Variants in ANKRD26 observed in about 807,000 individuals in gnomAD.
The protein encoded by ANKRD26 is ankyrin repeat domain 26.
ANKRD26 carries 141 observed loss-of-function variants against 208.7 expected under a neutral mutation model. The ratio of observed to expected loss-of-function variants is 0.68; its 90% CI spans 0.59 to 0.78. The LOEUF (loss-of-function observed/expected upper bound fraction) is 0.78, where lower values mean the gene tolerates loss of function less well. Among genes scored for constraint, ANKRD26 ranks in the 30% least tolerant of loss-of-function variants. The pLI is 0.00. For missense variants in ANKRD26, 1,889 were observed against 1,938.7 expected (o/e 0.97, Z 0.48); for synonymous variants, 636 against 660.4 (o/e 0.96, Z 0.57).
At chr10:27,060,226 T>C in intron 15 of ANKRD26, 119 bp downstream of exon 15, 1 of 1,045,830 alleles carries the variant, frequency 9.6e-7, no homozygotes, top group Non-Finnish European at 1.4e-6. Flanking sequence ...TTTTTTTAAA[T>C]CCTTCCAACA....
intron 4 of ANKRD26, chr10:26,995,226 G>A (rs1184983140): frequency 2.1e-6 from 1 of 468,906 alleles, no homozygotes; most frequent in African/African-American, 2.0e-5. Context: ...CTTCACGGAG[G>A]TTAACCTATT....
the ANKRD26 span, among the ~76,000 whole-genome samples, chr10:26,951,837 T>C: frequency 2.0e-5 from 3 of 152,258 alleles, no homozygotes; most frequent in Admixed American, 6.5e-5. Flanking sequence ...TTGGGCCTTG[T>C]TGACCCTGGA....
intron 4 of ANKRD26, among the ~76,000 whole-genome samples, chr10:26,997,981 C>T (rs1198039909): frequency 1.3e-5 from 2 of 152,272 alleles, no homozygotes; most frequent in African/African-American, 4.8e-5. Context: ...GACTTCATAG[C>T]CCCCACGGCC....
Position 27,029,373 on chromosome 10 carries a change from A to G in ANKRD26, c.3808-17T>C, listed in dbSNP as rs752761362. The G allele has an allele frequency of 1.9e-6, 3 of 1,606,628 alleles. No individual in the cohort carries two copies. Among genetic ancestry groups the G allele is most frequent in the South Asian group, 2.2e-5 (2 of 90,026 alleles). On this transcript the variant is annotated splice_polypyrimidine_tract_variant and intron_variant, in intron 25 of 33. Transcript: ENST00000376087. Reference sequence around the variant, plus strand: ...TTCTTGCAACTAAAACAAAGAATAAAAAAAACCCACTTTACTAATAATCTA... The same window carrying G: ...TTCTTGCAACTAAAACAAAGAATAAGAAAAACCCACTTTACTAATAATCTA...
intron 9 of ANKRD26, among the ~76,000 whole-genome samples, chr10:27,070,812 C>G (rs376947436): frequency 2.0e-5 from 3 of 151,984 alleles, no homozygotes; most frequent in Non-Finnish European, 4.4e-5. Context: ...ATTATAGGCA[C>G]GTGCCACCAC....
chr10:26,970,303 G>A (rs1459834944), downstream of ANKRD26, among the ~76,000 whole-genome samples: 1 of 152,096 alleles, frequency 6.6e-6, no homozygotes, highest in Admixed American at 6.5e-5. Flanking sequence ...TCATGGGGGT[G>A]GAATTCTCAT....
chr10:27,054,451 G>A (rs2054772781), intron 15 of ANKRD26, among the ~76,000 whole-genome samples: 1 of 152,096 alleles, frequency 6.6e-6, no homozygotes, highest in African/African-American at 2.4e-5. Flanking sequence ...TGGGCGTGGT[G>A]GTGTGTGCCT....
At chr10:27,069,406 G>A (rs780146099) in intron 9 of ANKRD26, among the ~76,000 whole-genome samples, 4 of 152,094 alleles carry the variant, frequency 2.6e-5, no homozygotes, top group Non-Finnish European at 4.4e-5. Context: ...TCAGGAAAGC[G>A]TCAGGAACAA....
the ANKRD26 span, among the ~76,000 whole-genome samples, chr10:26,960,437 A>G: frequency 2.0e-5 from 3 of 152,134 alleles, no homozygotes; most frequent in East Asian, 5.8e-4. Flanking sequence ...GGCTCATAAG[A>G]AGCATCTTGG....
chr10:27,048,255 A>G (rs191867178), intron 17 of ANKRD26, among the ~76,000 whole-genome samples: 8 of 152,336 alleles, frequency 5.3e-5, no homozygotes, highest in Admixed American at 1.3e-4. Flanking sequence ...CATTTGGGAT[A>G]CTATAATAAA....
chr10:27,074,979 A>G (rs769190448), intron 9 of ANKRD26, among the ~76,000 whole-genome samples: 8 of 152,134 alleles, frequency 5.3e-5, no homozygotes, highest in Non-Finnish European at 8.8e-5. Flanking sequence ...TTCTGTATCA[A>G]GCAAAACTAA....
chr10:27,015,419 T>C (rs945920469), intron 30 of ANKRD26, among the ~76,000 whole-genome samples: 37 of 152,278 alleles, frequency 2.4e-4, no homozygotes, highest in Admixed American at 5.9e-4. Context: ...ACTAGCTCTA[T>C]GGCTTGGGCC....
intron 16 of ANKRD26, chr10:27,051,503 T>C: frequency 9.7e-7 from 1 of 1,032,726 alleles, no homozygotes; most frequent in Non-Finnish European, 1.2e-6. Flanking sequence ...CACCTGTAAC[T>C]ACTTCTGGGT....
intron 6 of ANKRD26, chr10:27,080,560 A>G (rs920898371): frequency 1.1e-6 from 1 of 919,602 alleles, no homozygotes; most frequent in African/African-American, 1.8e-5. Flanking sequence ...CCTAAAGAGA[A>G]AGAATGCTGG....
intron 9 of ANKRD26, among the ~76,000 whole-genome samples, chr10:27,072,486 G>A (rs1212991969): frequency 6.6e-6 from 1 of 152,118 alleles, no homozygotes; most frequent in Admixed American, 6.5e-5. Context: ...ACCCGGCTTT[G>A]CCCTCCACCT....
chr10:27,019,556 A>G (rs1005148220), intron 29 of ANKRD26, among the ~76,000 whole-genome samples: 2 of 151,892 alleles, frequency 1.3e-5, no homozygotes, highest in African/African-American at 4.8e-5. Context: ...AGAGTTGCTT[A>G]TATTTTTCCA....
At chr10:27,086,368 A>T (rs534726108) in intron 5 of ANKRD26, among the ~76,000 whole-genome samples, 171 bp downstream of exon 5, 31 of 152,316 alleles carry the variant, frequency 2.0e-4, no homozygotes, top group African/African-American at 7.5e-4. Flanking sequence ...ATCTACATGT[A>T]ACTTCTTAAA....
downstream of ANKRD26, among the ~76,000 whole-genome samples, chr10:27,000,540 A>T (rs2052698960): frequency 6.6e-6 from 1 of 152,266 alleles, no homozygotes; most frequent in South Asian, 2.1e-4. Flanking sequence ...CAAATAAAAA[A>T]TATGAATTTA....
downstream of ANKRD26, among the ~76,000 whole-genome samples, chr10:26,988,225 G>A (rs1466118008): frequency 6.6e-6 from 1 of 152,104 alleles, no homozygotes; most frequent in Admixed American, 6.6e-5. Flanking sequence ...TTGTTTCTTA[G>A]TGATGGACAT....
Sources: allele counts gnomAD v4.1 joint callset (sites outside exome capture counted in the v4.1 genomes callset), GRCh38; gene constraint gnomAD v4.1.1; transcripts MANE v1.5; gene names NCBI Gene and HGNC (gene_info 2026-07-23, HGNC 2026-07-21).